The following MTIF2 variants were observed in gnomAD, a reference collection of about 807,000 sequenced individuals.
MTIF2 encodes the protein translation initiation factor IF-2, mitochondrial.
Under a neutral mutation model 83.5 loss-of-function variants are expected in MTIF2, and 71 were observed. That is an observed-to-expected ratio of 0.85 (90% CI 0.70 to 1.04). The LOEUF is 1.04. Ranked by LOEUF, MTIF2 falls within the 50% of genes least tolerant of loss-of-function variation. MTIF2 has a pLI of 0.00. For missense variants in MTIF2, 957 were observed against 846.5 expected (o/e 1.13, Z -1.62); for synonymous variants, 319 against 287.1 (o/e 1.11, Z -1.12).
intron 10 of MTIF2, 109 bp downstream of exon 10, chr2:55,246,228 A>G: frequency 8.1e-7 from 1 of 1,230,288 alleles, no homozygotes; most frequent in Non-Finnish European, 1.1e-6. Flanking sequence ...CTTTGAAAAT[A>G]TTGTTCATGA....
In MTIF2 at chr2:55,236,675, G is replaced by T. The variant is rs752876659; in HGVS notation, c.2157C>A (p.Ala719=). ...AAAATCCTGGATCCCAAGAAGTCTT[G>T]GCTTGAATTTGCTTTTCTTCATAAC... ...IVCYEEKQIQ[A]KTSWDPGF Residue 719 remains alanine (A), a synonymous_variant, in exon 16 of 16, where the codon GCC becomes GCA. Transcript: ENST00000263629. 5.6e-6 allele frequency: 9 copies of T among 1,597,376 alleles called. No homozygotes were observed. Among genetic ancestry groups the T allele is most frequent in the Non-Finnish European group, 6.8e-6 (8 of 1,175,382 alleles).
chr2:55,248,657 A>T (rs1388643975), intron 9 of MTIF2, among the ~76,000 whole-genome samples: 1 of 152,236 alleles, frequency 6.6e-6, no homozygotes, highest in Non-Finnish European at 1.5e-5. Flanking sequence ...ACATTTTAAA[A>T]CATGTAGCAA....
At chr2:55,263,295 C>T (rs746591742) in intron 4 of MTIF2, among the ~76,000 whole-genome samples, 3 of 152,176 alleles carry the variant, frequency 2.0e-5, no homozygotes, top group Non-Finnish European at 2.9e-5. Context: ...CACAATTAAC[C>T]GGAACTTCCC....
chr2:55,247,859 A>C (rs1676815643), intron 9 of MTIF2, among the ~76,000 whole-genome samples: 1 of 151,916 alleles, frequency 6.6e-6, no homozygotes. Context: ...ATCTGATGGT[A>C]TCTGGCCAGA....
intron 13 of MTIF2, among the ~76,000 whole-genome samples, chr2:55,240,495 C>A (rs566734488): frequency 1.3e-5 from 2 of 152,110 alleles, no homozygotes; most frequent in Non-Finnish European, 2.9e-5. Flanking sequence ...AGGAGAATCG[C>A]TTGAACCCGG....
At chr2:55,264,668 G>A (rs1029135987) in intron 3 of MTIF2, among the ~76,000 whole-genome samples, 7 of 151,982 alleles carry the variant, frequency 4.6e-5, no homozygotes, top group South Asian at 2.1e-4. Context: ...AGTTGGAATC[G>A]TCTTTGAACT....
chr2:55,242,475 A>G (rs79428765), intron 13 of MTIF2, among the ~76,000 whole-genome samples: 1 of 152,338 alleles, frequency 6.6e-6, no homozygotes, highest in East Asian at 1.9e-4. Context: ...TATAAAGCTA[A>G]AAAGAACTTT....
intron 5 of MTIF2, 147 bp downstream of exon 5, chr2:55,262,169 C>A (rs1573917830): frequency 1.6e-6 from 1 of 635,228 alleles, no homozygotes. Context: ...GGGATTATGA[C>A]TTAAAGTGAA....
chr2:55,260,308 G>A (rs909203638), intron 5 of MTIF2, among the ~76,000 whole-genome samples: 2 of 151,034 alleles, frequency 1.3e-5, no homozygotes, highest in African/African-American at 4.9e-5. Flanking sequence ...CTTGAGACAG[G>A]AGAATTGCTT....
Position 55,254,044 on chromosome 2 carries a change from G to A in MTIF2, c.661C>T (p.Leu221Phe), listed in dbSNP as rs1485734725. The part of the protein sequence containing the change: ...GGITQHIGAF[L>F]VSLPSGEKIT... ...GTAAGGTAATTTGTGTTCATACCAAGAAAGGCACCAATGTGCTGAGTGATG... is the reference window on the plus strand; with the variant it reads ...GTAAGGTAATTTGTGTTCATACCAAAAAAGGCACCAATGTGCTGAGTGATG... The change falls in exon 7 of 16, where the codon CTT becomes TTT. Residue 221 changes from leucine to phenylalanine, a missense_variant. Around this residue, in one of 3 missense-constraint regions of MTIF2, gnomAD observed 733 missense variants for 648.7 expected, o/e 1.13. Transcript: ENST00000263629. 1 of 1,613,972 alleles carries A rather than the reference G, an allele frequency of 6.2e-7. No individual in the cohort carries two copies. The highest frequency in any genetic ancestry group is 8.5e-7 in the Non-Finnish European group (1 of 1,179,972).
chr2:55,237,921 A>T (rs58485503), intron 14 of MTIF2, among the ~76,000 whole-genome samples: 1 of 151,964 alleles, frequency 6.6e-6, no homozygotes, highest in African/African-American at 2.4e-5. Context: ...AAAGTGCTGA[A>T]ATTACAGGCG....
rs1236036550 is a variant in MTIF2 at position 55,265,061 on chromosome 2, C to T, written c.-7-1196G>A. Among the ~76,000 whole-genome samples, 5 of 151,752 alleles carry T rather than the reference C, an allele frequency of 3.3e-5. No homozygotes were observed. The South Asian group carries it at 6.2e-4, about 19-fold the overall frequency. ...AGTTCGAGACTAGCCTGGCCAACGT[C>T]GTGAAACCCTGTCTCTACTAAAAAT... On this transcript the variant is annotated intron_variant, in intron 3 of 15. Coordinates refer to ENST00000263629, the MANE Select transcript of MTIF2 (RefSeq NM_002453.3).
chr2:55,252,859 T>C (rs1677201500), intron 7 of MTIF2, among the ~76,000 whole-genome samples: 1 of 152,210 alleles, frequency 6.6e-6, no homozygotes. Flanking sequence ...TTTTTCCATG[T>C]AAAAATTTCA....
At position 55,243,481 on chromosome 2, in the gene MTIF2, T is replaced by C. The variant is rs1350811250; in HGVS notation, c.1499A>G (p.Gln500Arg). 1 of 1,614,014 alleles carries C rather than the reference T, an allele frequency of 6.2e-7. No homozygotes were observed. ...TTTCTCTTTTGGCTTTAAGGGTATT[T>C]GTTCTTTTCTTTCTAAAAACCGTAG... ...SILRFLERKE[Q>R]IPLKPKEKRE... The change falls in exon 12 of 16, where the codon CAA becomes CGA. Residue 500 changes from glutamine to arginine, a missense_variant. Coordinates refer to ENST00000263629, the MANE Select transcript of MTIF2 (RefSeq NM_002453.3).
intron 14 of MTIF2, among the ~76,000 whole-genome samples, chr2:55,238,173 G>A (rs1194090086): frequency 7.3e-6 from 1 of 137,614 alleles, no homozygotes; most frequent in Non-Finnish European, 1.5e-5. Context: ...TAAGACTACA[G>A]GTGCGTGCCA....
rs371603844 is a variant in MTIF2, at chr2:55,254,657, C to T, written c.500G>A (p.Arg167Lys). The change falls in exon 6 of 16, where the codon AGA becomes AAA. Residue 167 changes from arginine to lysine, a missense_variant. Physicochemically the swap from Arg to Lys is conservative, Grantham distance 26. Transcript: ENST00000263629. ...AGTATATACAGTTAAGTTTTACCTT[C>T]TTACAGCATCTTTATTTTTTCTGAC... ...DKVRKNKDAV[R>K]RPQADPALLT... 30 of 1,596,966 alleles carry T rather than the reference C, an allele frequency of 1.9e-5. No individual in the cohort carries two copies. The highest frequency in any genetic ancestry group is 2.4e-5 in the Non-Finnish European group (28 of 1,172,512).
Position 55,236,602 on chromosome 2 carries a change from C to G in MTIF2, c.*46G>C. 1 of 1,512,116 alleles carries G rather than the reference C, an allele frequency of 6.6e-7. No individual in the cohort carries two copies. The highest frequency in any genetic ancestry group is 8.9e-7 in the Non-Finnish European group (1 of 1,129,246). The allele number at this position is 1,512,116 out of a possible 1,614,324, so 93.7% of individuals were successfully genotyped here. The stretch of plus-strand genomic sequence containing the variant: ...TTGGCCAGTAGTAGTGCATTTCTAC[C>G]TTCAAACAAACAACACGTTGAGTTA... On this transcript the variant is annotated 3_prime_UTR_variant, in exon 16 of 16. Transcript: ENST00000263629.
At chr2:55,255,097 G>C (rs1025455876) in intron 5 of MTIF2, among the ~76,000 whole-genome samples, 1 of 151,574 alleles carries the variant, frequency 6.6e-6, no homozygotes, top group Non-Finnish European at 1.5e-5. Flanking sequence ...AAAACATTAA[G>C]ATAAATTTAG....
intron 9 of MTIF2, among the ~76,000 whole-genome samples, chr2:55,248,214 G>C (rs1558561398): frequency 6.6e-6 from 1 of 152,162 alleles, no homozygotes; most frequent in African/African-American, 2.4e-5. Context: ...ATTTTAGTAA[G>C]CCTAACATTT....
Sources: gnomAD v4.1 joint callset for allele counts (sites outside exome capture counted in the v4.1 genomes callset) on GRCh38, gnomAD v4.1.1 for gene constraint, gnomAD v4.1.1 regional missense constraint, MANE v1.5 for transcripts, NCBI Gene and HGNC (gene_info 2026-07-23, HGNC 2026-07-21) for gene names.